STAC2: variants seen among roughly 807,000 people sequenced by gnomAD.
STAC2 encodes SH3 and cysteine rich domain 2.
STAC2 carries 36 observed loss-of-function variants against 49.0 expected under a neutral mutation model. The observed-to-expected ratio is 0.74, with a 90% CI of 0.56 to 0.97. The LOEUF is 0.97. Ranked by LOEUF, STAC2 falls within the 50% of genes least tolerant of loss-of-function variation. The pLI is 0.00. For synonymous variants in STAC2, 239 were observed against 214.7 expected (o/e 1.11, Z -0.99); for missense variants, 527 against 543.8 (o/e 0.97, Z 0.31).
In STAC2 at chr17:39,225,428, G is replaced by A. The variant is rs1476877436; in HGVS notation, c.75C>T (p.Ala25=). 5 of 1,605,702 alleles carry A rather than the reference G, an allele frequency of 3.1e-6. No individual in the cohort carries two copies. The highest frequency in any genetic ancestry group is 2.3e-5 in the East Asian group (1 of 44,002). ...CCCAAGTTACCTTGGTTTCCTGGAG[G>A]GCGGAGACGGTCCCTGGGGGGCTGT... ...ATHSPPGTVS[A]LQETKLQRFK... Residue 25 remains alanine (A), a synonymous_variant, in exon 1 of 11, where the codon GCC becomes GCT. Coordinates refer to ENST00000333461, the MANE Select transcript of STAC2 (RefSeq NM_198993.5). This position sits in a 1 kb window ranked among gnomAD's most constrained non-coding sequence, Gnocchi z 8.2.
At chr17:39,213,306 G>A (rs2046371308) in intron 9 of STAC2, among the ~76,000 whole-genome samples, 174 bp from the exon 10 acceptor site, 1 of 152,200 alleles carries the variant, frequency 6.6e-6, no homozygotes, top group African/African-American at 2.4e-5. Context: ...AGCATAAGGT[G>A]AGCAGAGGGA....
chr17:39,225,767 C>T lies in STAC2; in HGVS notation c.-265G>A. 2.0e-6 allele frequency: 1 copy of T among 493,214 alleles called. No homozygotes were observed. Among genetic ancestry groups the T allele is most frequent in the Non-Finnish European group, 3.6e-6 (1 of 276,266 alleles). 30.6% of individuals were successfully genotyped at this position (493,214 alleles called of 1,614,324 possible). A position where few individuals can be genotyped will look rare whatever the true frequency, so the allele number is the denominator to read the frequency against. ...GAGGGTCTGCAGAGGATGCTGCTCGCAGCGCGGGGAGGAGGGAAGTGGGGC... is the reference window on the plus strand; with the variant it reads ...GAGGGTCTGCAGAGGATGCTGCTCGTAGCGCGGGGAGGAGGGAAGTGGGGC... On this transcript the variant is annotated 5_prime_UTR_variant, in exon 1 of 11. Coordinates refer to ENST00000333461, the MANE Select transcript of STAC2 (RefSeq NM_198993.5). The surrounding 1 kb of genome is among the most constrained non-coding windows in gnomAD (Gnocchi z 8.2).
In STAC2 at chr17:39,210,578, A is replaced by C. The variant is rs1198313807; in HGVS notation, c.*1714T>G. On this transcript the variant is annotated 3_prime_UTR_variant, in exon 11 of 11. Transcript: ENST00000333461. ...CATTTAATTAGGGGTCTGGGGAATCAGCAAGGCCCCAGACCCATCATGCAG... is the reference window on the plus strand; with the variant it reads ...CATTTAATTAGGGGTCTGGGGAATCCGCAAGGCCCCAGACCCATCATGCAG... 1 of 152,400 alleles carries C rather than the reference A, an allele frequency of 6.6e-6. No individual in the cohort carries two copies. Among genetic ancestry groups the C allele is most frequent in the Non-Finnish European group, 1.5e-5 (1 of 67,980 alleles). The allele number at this position is 152,400 out of a possible 1,614,324, so 9.4% of individuals were successfully genotyped here.
intron 4 of STAC2, 95 bp from the exon 5 acceptor site, chr17:39,215,325 C>T (rs776851522): frequency 1.6e-6 from 2 of 1,269,806 alleles, no homozygotes; most frequent in Middle Eastern, 2.4e-4. Flanking sequence ...TCCCAGCTGC[C>T]CCCTCACCTG....
Position 39,225,891 on chromosome 17 carries a change from G to A in STAC2, c.-389C>T, listed in dbSNP as rs889105247. ...CCCCCATCCCCTCCCCTCCCCCGCCGGCCCCAGCCCGGCACCCGGCGGCCC... is the reference window on the plus strand; with the variant it reads ...CCCCCATCCCCTCCCCTCCCCCGCCAGCCCCAGCCCGGCACCCGGCGGCCC... On this transcript the variant is annotated 5_prime_UTR_variant, in exon 1 of 11. Transcript: ENST00000333461. The surrounding 1 kb of genome is among the most constrained non-coding windows in gnomAD (Gnocchi z 8.2). 8.8e-6 allele frequency: 2 copies of A among 227,972 alleles called. No homozygotes were observed. Among genetic ancestry groups the A allele is most frequent in the Non-Finnish European group, 1.7e-5 (2 of 116,820 alleles). 14.1% of individuals were successfully genotyped at this position (227,972 alleles called of 1,614,324 possible). A position where few individuals can be genotyped will look rare whatever the true frequency, so the allele number is the denominator to read the frequency against.
intron 2 of STAC2, 78 bp from the exon 3 acceptor site, chr17:39,217,251 G>A (rs1331232056): frequency 3.5e-6 from 5 of 1,420,084 alleles, no homozygotes; most frequent in Non-Finnish European, 4.9e-6. Flanking sequence ...AGGGGATGAG[G>A]AGAGCAGGGG....
intron 9 of STAC2, 34 bp downstream of exon 9, chr17:39,213,473 C>A: frequency 1.2e-6 from 2 of 1,612,762 alleles, no homozygotes; most frequent in South Asian, 2.2e-5. Context: ...GGGTGCCTAC[C>A]AGTGTCCCTC....
chr17:39,211,395 T>G lies in STAC2; in HGVS notation c.*897A>C. 6.6e-6 allele frequency: 1 copy of G among 152,172 alleles called. No homozygotes were observed. The highest frequency in any genetic ancestry group is 6.6e-5 in the Admixed American group (1 of 15,264). The allele number at this position is 152,172 out of a possible 1,614,324, so 9.4% of individuals were successfully genotyped here. A position where few individuals can be genotyped will look rare whatever the true frequency, so the allele number is the denominator to read the frequency against. ...CGCCTCCCGGGTTCAAGTGATTCTC[T>G]TGCCTCAGCCTCTGGAGTAGCTGGC... On this transcript the variant is annotated 3_prime_UTR_variant, in exon 11 of 11. Coordinates refer to ENST00000333461, the MANE Select transcript of STAC2 (RefSeq NM_198993.5).
At chr17:39,214,535 T>C in intron 7 of STAC2, 2 of 886,482 alleles carry the variant, frequency 2.3e-6, no homozygotes, top group Non-Finnish European at 2.7e-6. Flanking sequence ...GGAGCCCCCT[T>C]CTGCCTGCTG....
intron 1 of STAC2, among the ~76,000 whole-genome samples, chr17:39,218,933 C>T (rs1053264277): frequency 5.3e-5 from 8 of 152,038 alleles, no homozygotes; most frequent in African/African-American, 1.9e-4. Flanking sequence ...GACCCTCATC[C>T]TTGGGACTGA....
In STAC2 at chr17:39,213,156, C is replaced by T. The variant is rs550086617; in HGVS notation, c.994-24G>A. The T allele has an allele frequency of 6.9e-6, 11 of 1,601,854 alleles. No homozygotes were observed. In the Admixed American group the frequency reaches 1.7e-4, roughly 24 times the overall value. On this transcript the variant is annotated intron_variant, in intron 9 of 10. Coordinates refer to ENST00000333461, the MANE Select transcript of STAC2 (RefSeq NM_198993.5). ...CCCTGGGGATGAGGTTGGCAATGAACACCCGCGCCACACCCCACCCCTGCT... is the reference window on the plus strand; with the variant it reads ...CCCTGGGGATGAGGTTGGCAATGAATACCCGCGCCACACCCCACCCCTGCT...
Position 39,216,857 on chromosome 17 carries a change from T to C in STAC2, c.539A>G (p.His180Arg), listed in dbSNP as rs1049227980. The change falls in exon 4 of 11, where the codon CAT becomes CGT. Residue 180 changes from histidine to arginine, a missense_variant. By Grantham distance (29) the His-to-Arg change is conservative. Coordinates refer to ENST00000333461, the MANE Select transcript of STAC2 (RefSeq NM_198993.5). ...TGTGGCACAGACTGGTGGCGGCTCA[T>C]GCACCAGGAGAGGGGAACTGAAGTT... Reference protein sequence around the residue: ...RRNFSSPLLVHEPPPVCATSK... With the variant: ...RRNFSSPLLVREPPPVCATSK... 3.7e-6 allele frequency: 6 copies of C among 1,604,248 alleles called. No individual in the cohort carries two copies. Among genetic ancestry groups the C allele is most frequent in the Admixed American group, 3.4e-5 (2 of 58,356 alleles).
intron 8 of STAC2, 124 bp downstream of exon 8, chr17:39,214,109 G>A (rs969961763): frequency 9.0e-7 from 1 of 1,109,156 alleles, no homozygotes; most frequent in Non-Finnish European, 1.3e-6. Context: ...GGCAGTTCCA[G>A]CTCCTGTCTG....
chr17:39,220,545 G>A (rs2046451547), intron 1 of STAC2, among the ~76,000 whole-genome samples: 1 of 151,566 alleles, frequency 6.6e-6, no homozygotes, highest in Non-Finnish European at 1.5e-5. Flanking sequence ...CACGATCTCA[G>A]CTCACTGCAA....
intron 1 of STAC2, among the ~76,000 whole-genome samples, chr17:39,219,969 C>A (rs547773252): frequency 6.6e-6 from 1 of 152,296 alleles, no homozygotes; most frequent in African/African-American, 2.4e-5. Flanking sequence ...GGTGGCCCCA[C>A]CAGCCTCCGG....
chr17:39,217,779 G>A (rs1597734205), intron 2 of STAC2, 88 bp downstream of exon 2: 1 of 1,342,556 alleles, frequency 7.4e-7, no homozygotes, highest in African/African-American at 1.5e-5. Flanking sequence ...AACAGCAAGA[G>A]CCCAATAATA....
chr17:39,217,546 C>A (rs1394212433), intron 2 of STAC2, among the ~76,000 whole-genome samples: 4 of 152,046 alleles, frequency 2.6e-5, no homozygotes, highest in Non-Finnish European at 5.9e-5. Context: ...CATGGCAAAA[C>A]CCCATCTCTA....
chr17:39,218,265 CA>C, intron 1 of STAC2, 92 bp from the exon 2 acceptor site: 1 of 940,534 alleles, frequency 1.1e-6, no homozygotes, highest in Non-Finnish European at 1.6e-6. Flanking sequence ...GTAGGGGCGG[CA>C]GCAGCAGCAG....
In STAC2 at chr17:39,214,812, C is replaced by T. The variant is rs137898602; in HGVS notation, c.822G>A (p.Glu274=). 3.8e-4 allele frequency: 612 copies of T among 1,613,966 alleles called. No homozygotes were observed. Among genetic ancestry groups the T allele is most frequent in the Non-Finnish European group, 5.0e-4 (594 of 1,179,994 alleles). Residue 274 remains glutamate (E), a synonymous_variant, in exon 7 of 11, where the codon GAG becomes GAA. Coordinates refer to ENST00000333461, the MANE Select transcript of STAC2 (RefSeq NM_198993.5). The part of the protein sequence containing the change: ...APAESEGPGP[E]EKSPGQQLPK... ...TCACCTGCTGTCCAGGACTCTTCTC[C>T]TCTGGTCCTGGCCCTTCACTCTCTG...
Sources: allele counts gnomAD v4.1 joint callset (sites outside exome capture counted in the v4.1 genomes callset), GRCh38; gene constraint gnomAD v4.1.1; non-coding constraint Gnocchi (gnomAD v3.1); transcripts MANE v1.5; gene names NCBI Gene and HGNC (gene_info 2026-07-23, HGNC 2026-07-21).